The following PRKDC variants were observed in gnomAD, a reference collection of about 807,000 sequenced individuals.
PRKDC encodes the protein DNA-dependent protein kinase catalytic subunit.
PRKDC carries 82 observed loss-of-function variants against 486.9 expected under a neutral mutation model. That is an observed-to-expected ratio of 0.17 (90% CI 0.14 to 0.20). The LOEUF is 0.20. PRKDC is among the 10% of genes least tolerant of loss of function. The pLI, the probability that PRKDC is intolerant of heterozygous loss-of-function variation, is 1.00. For missense variants in PRKDC, 4,504 were observed against 5,038.2 expected (o/e 0.89, Z 3.21); for synonymous variants, 1,895 against 1,837.0 (o/e 1.03, Z -0.81).
At chr8:47,915,493 C>T (rs2089969864) in intron 22 of PRKDC, 75 bp from the exon 23 acceptor site, 2 of 893,440 alleles carry the variant, frequency 2.2e-6, no homozygotes, top group African/African-American at 1.7e-5. Flanking sequence ...GGAAAAAACT[C>T]TTTGCCACCC....
rs1157258902 is a variant in PRKDC at position 47,960,103 on chromosome 8, C to T, written c.24G>A (p.Val8=). 2.6e-6 allele frequency: 4 copies of T among 1,512,414 alleles called. No homozygotes were observed. Among genetic ancestry groups the T allele is most frequent in the Middle Eastern group, 2.3e-4 (1 of 4,322 alleles). The allele number at this position is 1,512,414 out of a possible 1,614,324, so 93.7% of individuals were successfully genotyped here. A position where few individuals can be genotyped will look rare whatever the true frequency, so the allele number is the denominator to read the frequency against. Residue 8 remains valine (V), a synonymous_variant, in exon 1 of 86, where the codon GTG becomes GTA. Transcript: ENST00000314191. ...CCTGCAGCCGCAGCAGGGAGCAACG[C>T]ACACCGGCTCCGGAGCCCGCCATGC... MAGSGAG[V]RCSLLRLQET...
chr8:47,890,388 C>G lies in PRKDC; in HGVS notation c.3940G>C (p.Gly1314Arg), dbSNP rs775364456. Reference protein sequence around the residue: ...HDIIAAEKCFGTGAAGNRTSP... With the variant: ...HDIIAAEKCFRTGAAGNRTSP... ...GTTCTGTTACCTGCTGCCCCAGTGCCAAAGCACTTTTCTGCTGCTATAATG... is the reference window on the plus strand; with the variant it reads ...GTTCTGTTACCTGCTGCCCCAGTGCGAAAGCACTTTTCTGCTGCTATAATG... Residue 1314 changes from glycine (G) to arginine (R), a missense_variant, in exon 32 of 86, where the codon GGC becomes CGC. Coordinates refer to ENST00000314191, the MANE Select transcript of PRKDC (RefSeq NM_006904.7). 3 of 1,610,138 alleles carry G rather than the reference C, an allele frequency of 1.9e-6. No individual in the cohort carries two copies. Among genetic ancestry groups the G allele is most frequent in the Non-Finnish European group, 2.5e-6 (3 of 1,178,124 alleles).
intron 24 of PRKDC, 41 bp downstream of exon 24, chr8:47,913,860 A>C: frequency 6.5e-7 from 1 of 1,531,386 alleles, no homozygotes. Context: ...TTTTTAAAGC[A>C]ATAGGATCTA....
intron 7 of PRKDC, among the ~76,000 whole-genome samples, chr8:47,949,752 G>C (rs1013667930): frequency 6.6e-6 from 1 of 152,098 alleles, no homozygotes; most frequent in African/African-American, 2.4e-5. Context: ...GGGAGCCATA[G>C]GATACAGGAG....
intron 70 of PRKDC, among the ~76,000 whole-genome samples, chr8:47,802,287 C>T (rs1315908674): frequency 6.6e-6 from 1 of 152,052 alleles, no homozygotes; most frequent in Non-Finnish European, 1.5e-5. Flanking sequence ...GAGTGCTTCT[C>T]CTCTAGACAC....
At chr8:47,941,100 A>G (rs1453744978) in intron 10 of PRKDC, among the ~76,000 whole-genome samples, 1 of 151,450 alleles carries the variant, frequency 6.6e-6, no homozygotes, top group East Asian at 1.9e-4. Flanking sequence ...ACTGCACTCC[A>G]GCCTGGGTGA....
intron 54 of PRKDC, among the ~76,000 whole-genome samples, chr8:47,843,076 G>A (rs1039768170): frequency 6.6e-6 from 1 of 152,154 alleles, no homozygotes; most frequent in Non-Finnish European, 1.5e-5. Flanking sequence ...GAGATGGGAG[G>A]ATCACCTGAG....
At chr8:47,896,900 G>A (rs552006677) in intron 30 of PRKDC, among the ~76,000 whole-genome samples, 2 of 152,228 alleles carry the variant, frequency 1.3e-5, no homozygotes, top group Non-Finnish European at 2.9e-5. Context: ...GCAGTTTAAT[G>A]GTTTAGTAAT....
chr8:47,921,621 G>A (rs999435899), intron 21 of PRKDC, among the ~76,000 whole-genome samples: 9 of 152,250 alleles, frequency 5.9e-5, no homozygotes, highest in African/African-American at 2.2e-4. Context: ...GCAGACAGTG[G>A]TATCTGTGAG....
chr8:47,825,654 A>G (rs2087723396), intron 63 of PRKDC, among the ~76,000 whole-genome samples: 1 of 152,120 alleles, frequency 6.6e-6, no homozygotes, highest in Non-Finnish European at 1.5e-5. Context: ...TGTTTGCTTC[A>G]CTTACTTAGC....
At chr8:47,783,876 C>T in intron 77 of PRKDC, 67 bp from the exon 78 acceptor site, 2 of 1,450,266 alleles carry the variant, frequency 1.4e-6, no homozygotes, top group Non-Finnish European at 1.9e-6. Context: ...TAAAACATGC[C>T]TCTTGATCTA....
intron 40 of PRKDC, among the ~76,000 whole-genome samples, chr8:47,869,642 A>C (rs2088901627): frequency 6.6e-6 from 1 of 151,500 alleles, no homozygotes; most frequent in South Asian, 2.1e-4. Context: ...AGAGAAGGAG[A>C]AGTAAGAGTA....
At chr8:47,941,605 G>A (rs1320167991) in intron 10 of PRKDC, among the ~76,000 whole-genome samples, 1 of 152,310 alleles carries the variant, frequency 6.6e-6, no homozygotes, top group Admixed American at 6.5e-5. Context: ...TCCACATTTG[G>A]TACTTTCTTC....
intron 10 of PRKDC, among the ~76,000 whole-genome samples, chr8:47,941,052 C>T (rs781313607): frequency 2.0e-4 from 30 of 151,402 alleles, no homozygotes; most frequent in Non-Finnish European, 3.7e-4. Context: ...ATTGCTTAAA[C>T]GCAGGAGGCA....
At chr8:47,891,241 T>C (rs984473680) in intron 31 of PRKDC, among the ~76,000 whole-genome samples, 4 of 152,176 alleles carry the variant, frequency 2.6e-5, no homozygotes, top group African/African-American at 9.7e-5. Flanking sequence ...AAAATACTTG[T>C]ACACTGTTGA....
intron 21 of PRKDC, among the ~76,000 whole-genome samples, chr8:47,926,045 A>T (rs1454028242): frequency 6.6e-6 from 1 of 152,252 alleles, no homozygotes; most frequent in Admixed American, 6.5e-5. Context: ...CCTTTAAAAC[A>T]ATCACAGTAA....
chr8:47,936,653 C>T, intron 11 of PRKDC, 136 bp from the exon 12 acceptor site: 1 of 988,326 alleles, frequency 1.0e-6, no homozygotes, highest in South Asian at 1.8e-5. Context: ...AAGTTTCGCT[C>T]TTGTCCAGGC....
chr8:47,954,975 A>C (rs77591367), intron 4 of PRKDC, among the ~76,000 whole-genome samples: 2 of 149,574 alleles, frequency 1.3e-5, no homozygotes, highest in Non-Finnish European at 3.0e-5. Flanking sequence ...CCAACACAGT[A>C]AAACCCCGTC....
chr8:47,825,589 A>C (rs1268626169), intron 63 of PRKDC, among the ~76,000 whole-genome samples: 2 of 151,294 alleles, frequency 1.3e-5, no homozygotes, highest in East Asian at 3.9e-4. Context: ...CAAAAGTATG[A>C]GAATGTACTT....
Sources: gnomAD v4.1 joint callset for allele counts (sites outside exome capture counted in the v4.1 genomes callset) on GRCh38, gnomAD v4.1.1 for gene constraint, MANE v1.5 for transcripts, NCBI Gene and HGNC (gene_info 2026-07-23, HGNC 2026-07-21) for gene names.